Variants in RUNX1T1 observed in about 807,000 individuals in gnomAD.
RUNX1T1 encodes the protein RUNX1 partner transcriptional co-repressor 1.
Under a neutral mutation model 62.8 loss-of-function variants are expected in RUNX1T1, and 4 were observed. The ratio of observed to expected loss-of-function variants is 0.06; its 90% CI spans 0.03 to 0.15. RUNX1T1 has a LOEUF of 0.15. Among genes scored for constraint, RUNX1T1 ranks in the 10% least tolerant of loss-of-function variants. The probability of loss-of-function intolerance (pLI) is 1.00; values close to 1 mark genes in which losing one functional copy is unlikely to be tolerated. For synonymous variants in RUNX1T1, 291 were observed against 286.0 expected (o/e 1.02, Z -0.18); for missense variants, 508 against 754.3 (o/e 0.67, Z 3.82).
intron 1 of RUNX1T1, among the ~76,000 whole-genome samples, chr8:92,097,783 A>G (rs1837853676): frequency 6.6e-6 from 1 of 152,326 alleles, no homozygotes; most frequent in South Asian, 2.1e-4. Context: ...TTGTTTGTTC[A>G]TTGACTTTTG....
chr8:92,073,956 T>C (rs1481372214), intron 2 of RUNX1T1, among the ~76,000 whole-genome samples: 1 of 152,122 alleles, frequency 6.6e-6, no homozygotes, highest in Non-Finnish European at 1.5e-5. Context: ...CCTCAGCCCC[T>C]CAAAGTGCTG....
chr8:92,013,813 T>C (rs938400792), intron 3 of RUNX1T1, among the ~76,000 whole-genome samples: 2 of 152,198 alleles, frequency 1.3e-5, no homozygotes, highest in African/African-American at 4.8e-5. Context: ...ATTCTACCTA[T>C]AACAAAGATT....
chr8:92,073,493 T>C (rs1833981044), intron 2 of RUNX1T1, among the ~76,000 whole-genome samples: 1 of 152,178 alleles, frequency 6.6e-6, no homozygotes, highest in East Asian at 1.9e-4. Context: ...CAATGCCGAC[T>C]GTTCAGCCAT....
chr8:91,989,767 T>C (rs1338574734), intron 6 of RUNX1T1, among the ~76,000 whole-genome samples: 3 of 152,208 alleles, frequency 2.0e-5, no homozygotes, highest in African/African-American at 7.2e-5. Flanking sequence ...TAAGGCTTTG[T>C]GTAGAAGGGA....
chr8:92,032,545 G>A (rs1826460443), intron 1 of RUNX1T1, among the ~76,000 whole-genome samples: 1 of 152,280 alleles, frequency 6.6e-6, no homozygotes, highest in African/African-American at 2.4e-5. Context: ...TAAAAGGAAA[G>A]TAAAAAGGCA....
intron 2 of RUNX1T1, among the ~76,000 whole-genome samples, chr8:92,070,709 T>C (rs2130722300): frequency 6.6e-6 from 1 of 152,364 alleles, no homozygotes; most frequent in Admixed American, 6.5e-5. Flanking sequence ...AATCAATTCC[T>C]TGGAGCTGTG....
Position 92,014,795 on chromosome 8 carries a change from A to G in RUNX1T1, c.171T>C (p.Pro57=), listed in dbSNP as rs779540891. The change falls in exon 3 of 11, where the codon CCT becomes CCC. Residue 57 remains proline, a synonymous_variant. Coordinates refer to ENST00000396218, the Ensembl canonical transcript of RUNX1T1. ...GTGAGGGGGCGCCATTCAAGGCTGT[A>G]GGAGAATGGCTCGTGCCATTAGTTA... is the stretch of plus-strand genomic sequence containing the variant. 6.8e-5 allele frequency: 110 copies of G among 1,612,636 alleles called. 4 individuals carry two copies. The South Asian group carries it at 9.9e-4, about 15-fold the overall frequency.
chr8:92,038,094 A>G (rs920530603), intron 1 of RUNX1T1, among the ~76,000 whole-genome samples: 4 of 149,944 alleles, frequency 2.7e-5, no homozygotes, highest in Non-Finnish European at 4.4e-5. Flanking sequence ...ACAGGGTCTC[A>G]CTCTGTTGTA....
chr8:92,030,226 A>T (rs1825971478), intron 1 of RUNX1T1, among the ~76,000 whole-genome samples: 2 of 152,124 alleles, frequency 1.3e-5, no homozygotes, highest in Non-Finnish European at 2.9e-5. Context: ...GCAATATCGT[A>T]CTACCTAATC....
intron 1 of RUNX1T1, among the ~76,000 whole-genome samples, chr8:92,044,243 T>A (rs1048047587): frequency 6.6e-6 from 1 of 152,134 alleles, no homozygotes; most frequent in African/African-American, 2.4e-5. Context: ...ATAGTAGCGA[T>A]ATGGGCAGAA....
chr8:92,022,767 C>T (rs1824367709), intron 1 of RUNX1T1, among the ~76,000 whole-genome samples: 1 of 152,086 alleles, frequency 6.6e-6, no homozygotes, highest in South Asian at 2.1e-4. Flanking sequence ...TGGACTAAGA[C>T]CATAGATGTT....
At chr8:91,989,669 T>G (rs1426321369) in intron 6 of RUNX1T1, among the ~76,000 whole-genome samples, 1 of 152,220 alleles carries the variant, frequency 6.6e-6, no homozygotes, top group African/African-American at 2.4e-5. Flanking sequence ...TGGGATCCCT[T>G]GAACTGGTCT....
chr8:91,962,428 A>T (rs150865483), intron 10 of RUNX1T1, among the ~76,000 whole-genome samples: 2 of 152,370 alleles, frequency 1.3e-5, no homozygotes, highest in African/African-American at 2.4e-5. Context: ...CATAAGTTAA[A>T]ATTTGAATGA....
intron 1 of RUNX1T1, among the ~76,000 whole-genome samples, chr8:92,083,277 G>C (rs1055283256): frequency 1.3e-5 from 2 of 152,136 alleles, no homozygotes; most frequent in Non-Finnish European, 2.9e-5. Context: ...AAGAGCTTCT[G>C]AACAGCAAAA....
At chr8:92,097,841 C>T (rs1356832521) in intron 1 of RUNX1T1, among the ~76,000 whole-genome samples, 1 of 152,106 alleles carries the variant, frequency 6.6e-6, no homozygotes, top group East Asian at 1.9e-4. Context: ...GGGAAGAATC[C>T]ATGACTCTCT....
At chr8:92,063,609 G>C (rs1453073320), upstream of RUNX1T1, 7 of 152,146 alleles carry the variant, frequency 4.6e-5, no homozygotes, top group Non-Finnish European at 4.4e-5. Context: ...ATCTAAAGCT[G>C]GCTATTTTCT....
At chr8:92,037,184 T>G (rs1007430277) in intron 1 of RUNX1T1, among the ~76,000 whole-genome samples, 2 of 152,124 alleles carry the variant, frequency 1.3e-5, no homozygotes, top group Non-Finnish European at 2.9e-5. Context: ...AATGTGTAAA[T>G]TTATAACCCC....
chr8:92,050,422 C>A (rs1830055217), intron 1 of RUNX1T1, among the ~76,000 whole-genome samples: 1 of 152,136 alleles, frequency 6.6e-6, no homozygotes, highest in South Asian at 2.1e-4. Flanking sequence ...TTATTATGAT[C>A]CCTATGTCAG....
chr8:92,064,214 A>G (rs1832525544), upstream of RUNX1T1, among the ~76,000 whole-genome samples: 1 of 152,192 alleles, frequency 6.6e-6, no homozygotes, highest in Non-Finnish European at 1.5e-5. Flanking sequence ...GTGTCAATCA[A>G]TAAGAACTTC....
Sources: gnomAD v4.1 joint callset for allele counts (sites outside exome capture counted in the v4.1 genomes callset) on GRCh38, gnomAD v4.1.1 for gene constraint, MANE v1.5 for transcripts, NCBI Gene and HGNC (gene_info 2026-07-23, HGNC 2026-07-21) for gene names.